FLNB: variants seen among roughly 807,000 people sequenced by gnomAD.
FLNB encodes filamin B.
In FLNB, 111 loss-of-function variants were observed where a neutral mutation model predicts 250.6. The observed-to-expected ratio is 0.44, with a 90% CI of 0.38 to 0.52. The LOEUF is 0.52. FLNB is among the 20% of genes least tolerant of loss of function. The pLI is 0.00. For synonymous variants in FLNB, 1,302 were observed against 1,372.1 expected (o/e 0.95, Z 1.13); for missense variants, 2,869 against 3,447.8 (o/e 0.83, Z 4.20).
chr3:58,097,723 G>A (rs1252152606), intron 6 of FLNB, 92 bp from the exon 7 acceptor site: 2 of 1,255,692 alleles, frequency 1.6e-6, no homozygotes, highest in South Asian at 1.3e-5. Context: ...TGGGAGGGTA[G>A]GAGAGGTGAT....
chr3:58,125,597 G>C lies in FLNB; in HGVS notation c.3915G>C (p.Glu1305Asp). 1 of 1,614,200 alleles carries C rather than the reference G, an allele frequency of 6.2e-7. No individual in the cohort carries two copies. The highest frequency in any genetic ancestry group is 1.3e-5 in the African/African-American group (1 of 75,042). ...TTTGAGCAGGTCTCCATGTAGTGGA[G>C]GTGACATATGATGACGTGCCTATCC... ...TPFEKGLHVVEVTYDDVPIPN... is the reference protein window; with the variant it reads ...TPFEKGLHVVDVTYDDVPIPN... Residue 1305 changes from glutamate (E) to aspartate (D), a missense_variant, in exon 23 of 46, where the codon GAG becomes GAC. This residue lies in a region of FLNB where 1,348 missense variants were observed against 1,466.7 expected (regional missense o/e 0.92). Coordinates refer to ENST00000295956, the MANE Select transcript of FLNB (RefSeq NM_001457.4).
chr3:58,127,798 C>T (rs2107192249), intron 24 of FLNB, among the ~76,000 whole-genome samples: 1 of 152,328 alleles, frequency 6.6e-6, no homozygotes, highest in East Asian at 1.9e-4. Context: ...GGGGGGAGGA[C>T]TCTCCATAGG....
At chr3:58,106,939 A>C (rs1218965736) in intron 12 of FLNB, 66 bp downstream of exon 12, 2 of 1,379,144 alleles carry the variant, frequency 1.5e-6, no homozygotes, top group Non-Finnish European at 2.1e-6. Flanking sequence ...CCATGCCCGA[A>C]GTTGCCTTAA....
At chr3:58,059,645 G>A (rs1466058069) in intron 1 of FLNB, among the ~76,000 whole-genome samples, 1 of 152,190 alleles carries the variant, frequency 6.6e-6, no homozygotes, top group Admixed American at 6.5e-5. Context: ...CCCTTGGACA[G>A]TGCGCCTCAG....
chr3:58,022,844 G>C (rs1458193129), intron 1 of FLNB, among the ~76,000 whole-genome samples: 2 of 151,460 alleles, frequency 1.3e-5, no homozygotes, highest in African/African-American at 4.9e-5. Flanking sequence ...TTGAGACAGA[G>C]TCTTGCTGTG....
chr3:58,096,553 A>G (rs1399631441), intron 6 of FLNB, among the ~76,000 whole-genome samples: 2 of 152,028 alleles, frequency 1.3e-5, no homozygotes, highest in African/African-American at 2.4e-5. Flanking sequence ...CTGTCACCCA[A>G]GCTGGAGTGC....
chr3:58,121,059 A>C (rs2097288040), intron 19 of FLNB, among the ~76,000 whole-genome samples, 182 bp from the exon 20 acceptor site: 1 of 152,216 alleles, frequency 6.6e-6, no homozygotes, highest in Non-Finnish European at 1.5e-5. Context: ...ACTTGTTGTT[A>C]CTGAGGCTGA....
chr3:58,150,082 AG>A lies in FLNB; in HGVS notation c.6245-21del, dbSNP rs566100171. The A allele has an allele frequency of 1.2e-4, 200 of 1,614,274 alleles. 2 individuals carry two copies. The South Asian group carries it at 2.1e-3, about 17-fold the overall frequency. On this transcript the variant is annotated intron_variant, in intron 37 of 45. Coordinates refer to ENST00000295956, the MANE Select transcript of FLNB (RefSeq NM_001457.4). ...GTGCCTTGGCCTCTGGCCTGCTCAC[AG>A]GAGCCTTCTTGGGTCTTGCAGGGAG...
chr3:58,109,831 T>A, intron 15 of FLNB, 132 bp downstream of exon 15: 1 of 1,411,734 alleles, frequency 7.1e-7, no homozygotes, highest in South Asian at 1.2e-5. Flanking sequence ...AGCCTCTGAG[T>A]CATTCCTTAG....
intron 1 of FLNB, among the ~76,000 whole-genome samples, chr3:58,070,193 G>C (rs7638392): frequency 2.0e-5 from 3 of 151,600 alleles, no homozygotes; most frequent in Non-Finnish European, 4.4e-5. Flanking sequence ...GATTACAGGC[G>C]CCTGCCATTA....
At chr3:58,013,829 A>G (rs945623360) in intron 1 of FLNB, among the ~76,000 whole-genome samples, 2 of 152,234 alleles carry the variant, frequency 1.3e-5, no homozygotes, top group Admixed American at 6.5e-5. Flanking sequence ...ATCTCAAAAA[A>G]AAGTAGCAAA....
At chr3:58,061,750 CAAA>C (rs574215546) in intron 1 of FLNB, among the ~76,000 whole-genome samples, 46 of 82,996 alleles carry the variant, frequency 5.5e-4, no homozygotes, top group Non-Finnish European at 7.7e-4. Context: ...CCCTGGCCTC[CAAA>C]AAAAAAAAAA....
intron 36 of FLNB, chr3:58,149,308 C>T (rs1465348778): frequency 3.9e-6 from 1 of 258,954 alleles, no homozygotes; most frequent in Non-Finnish European, 7.5e-6. Context: ...AAGCTTGCCA[C>T]ACCCCAGTGC....
At position 58,170,667 on chromosome 3, in the gene FLNB, A is replaced by G; in HGVS notation, c.7714A>G (p.Thr2572Ala). 1.2e-6 allele frequency: 2 copies of G among 1,614,142 alleles called. No individual in the cohort carries two copies. The highest frequency in any genetic ancestry group is 1.7e-6 in the Non-Finnish European group (2 of 1,180,018). ...TGTAGGCAACCAGCAATACAACGTC[A>G]CATACGTCGTCAAGGAGAGGGGCGA... ...KHVGNQQYNVTYVVKERGDYV... is the reference protein window; with the variant it reads ...KHVGNQQYNVAYVVKERGDYV... The change falls in exon 46 of 46, where the codon ACA (threonine) becomes GCA (alanine). Residue 2572 changes from threonine (T) to alanine (A), a missense_variant. Thr to Ala is a moderately conservative substitution (Grantham distance 58). This residue lies in a region of FLNB where 1,084 missense variants were observed against 1,315.5 expected (regional missense o/e 0.82). Transcript: ENST00000295956.
At chr3:58,099,462 T>C (rs2097245539) in intron 8 of FLNB, among the ~76,000 whole-genome samples, 1 of 152,232 alleles carries the variant, frequency 6.6e-6, no homozygotes. Context: ...ACTACTCTGC[T>C]AAACTCCCTC....
intron 40 of FLNB, among the ~76,000 whole-genome samples, chr3:58,155,461 G>A (rs561116195): frequency 2.6e-5 from 4 of 152,258 alleles, no homozygotes; most frequent in South Asian, 2.1e-4. Flanking sequence ...GCATATCTTC[G>A]TTAATACATT....
At chr3:58,103,291 T>TGC (rs1553696910) in intron 9 of FLNB, among the ~76,000 whole-genome samples, 1 of 151,886 alleles carries the variant, frequency 6.6e-6, no homozygotes, top group Non-Finnish European at 1.5e-5. Flanking sequence ...TGTGTGTGTG[T>TGC]GTGCACGCGC....
At position 58,097,884 on chromosome 3, in the gene FLNB, G is replaced by A. The variant is rs1157344008; in HGVS notation, c.1054G>A (p.Gly352Arg). ...TGAAGTGAGTGTTGACAAGGCCCAG[G>A]GAGATGCCAGTAAAGTCACTGCAAA... ...PFEVSVDKAQ[G>R]DASKVTAKGP... The change falls in exon 7 of 46, where the codon GGA becomes AGA. Residue 352 changes from glycine (G) to arginine (R), a missense_variant. Gly to Arg is a moderately radical substitution (Grantham distance 125, BLOSUM62 -2). Around this residue, in one of 5 missense-constraint regions of FLNB, gnomAD observed 308 missense variants for 466.1 expected, o/e 0.66. Transcript: ENST00000295956. The A allele has an allele frequency of 8.1e-6, 13 of 1,614,010 alleles. No individual in the cohort carries two copies. Among genetic ancestry groups the A allele is most frequent in the Middle Eastern group, 1.6e-4 (1 of 6,080 alleles).
At chr3:58,018,672 A>G (rs2097109371) in intron 1 of FLNB, among the ~76,000 whole-genome samples, 1 of 151,984 alleles carries the variant, frequency 6.6e-6, no homozygotes, top group South Asian at 2.1e-4. Context: ...CCTTGGCACC[A>G]CAGCCAGTTA....
Sources: gnomAD v4.1 joint callset for allele counts (sites outside exome capture counted in the v4.1 genomes callset) on GRCh38, gnomAD v4.1.1 for gene constraint, gnomAD v4.1.1 regional missense constraint, MANE v1.5 for transcripts, NCBI Gene and HGNC (gene_info 2026-07-23, HGNC 2026-07-21) for gene names.